Variants in GCC2 observed in about 807,000 individuals in gnomAD.
The protein encoded by GCC2 is GRIP and coiled-coil domain-containing protein 2.
Under a neutral mutation model 210.6 loss-of-function variants are expected in GCC2, and 120 were observed. That is an observed-to-expected ratio of 0.57 (90% confidence interval 0.49 to 0.66). The LOEUF (loss-of-function observed/expected upper bound fraction) is 0.66, where lower values mean the gene tolerates loss of function less well. GCC2 is among the 30% of genes least tolerant of loss of function. The probability of loss-of-function intolerance (pLI) is 0.00; values close to 1 mark genes in which losing one functional copy is unlikely to be tolerated. For synonymous variants in GCC2, 703 were observed against 652.7 expected (o/e 1.08, Z -1.17); for missense variants, 1,868 against 1,871.9 (o/e 1.00, Z 0.04).
At position 108,475,847 on chromosome 2, in the gene GCC2, T is replaced by C; in HGVS notation, c.3057T>C (p.Tyr1019=). Residue 1019 remains tyrosine (Y), a synonymous_variant, in exon 9 of 23, where the codon TAT becomes TAC. Transcript: ENST00000309863. ...ATCTCATTCAAGGAGCAGAAAGCTA[T>C]AAGGTAAAAAATAGTCATTTTAATA... ...MRDLIQGAES[Y]KNLLLEYEKQ... 3 of 1,532,776 alleles carry C rather than the reference T, an allele frequency of 2.0e-6. No homozygotes were observed. The highest frequency in any genetic ancestry group is 2.7e-6 in the Non-Finnish European group (3 of 1,124,292). The allele number at this position is 1,532,776 out of a possible 1,614,324, so 94.9% of individuals were successfully genotyped here. A position where few individuals can be genotyped will look rare whatever the true frequency, so the allele number is the denominator to read the frequency against.
chr2:108,490,825 CTTTTGGAAAGTTATTGCAAA>C (rs1682369934), intron 18 of GCC2, among the ~76,000 whole-genome samples: 3 of 152,148 alleles, frequency 2.0e-5, no homozygotes. Context: ...AACACTTATT[CTTTTGGAAAGTTATTGCAAA>C]TTACATTGCT....
intron 4 of GCC2, among the ~76,000 whole-genome samples, chr2:108,454,183 G>A (rs1573340389): frequency 6.6e-6 from 1 of 152,056 alleles, no homozygotes; most frequent in African/African-American, 2.4e-5. Context: ...GTAGAAACAG[G>A]GTTTCACCAC....
At position 108,489,911 on chromosome 2, in the gene GCC2, G is replaced by T; in HGVS notation, c.4126G>T (p.Val1376Leu). ...QDSQNNLQIN[V>L]SELQTLQSEH... ...TAGCCAAAATAACTTACAGATTAAT[G>T]TATCTGAACTTCAAACATTGCAGTC... is the stretch of plus-strand genomic sequence containing the variant. Residue 1376 changes from valine (V) to leucine (L), a missense_variant, in exon 18 of 23, where the codon GTA (valine) becomes TTA (leucine). Physicochemically the swap from Val to Leu is conservative, Grantham distance 32 (BLOSUM62 1). Around this residue, in one of 3 missense-constraint regions of GCC2, gnomAD observed 1,847 missense variants for 1,765.2 expected, o/e 1.05. Transcript: ENST00000309863. 1 of 1,610,692 alleles carries T rather than the reference G, an allele frequency of 6.2e-7. No homozygotes were observed. Among genetic ancestry groups the T allele is most frequent in the South Asian group, 1.1e-5 (1 of 90,794 alleles).
rs2577596 is a variant in GCC2, at chr2:108,507,540, T to G, written c.4985-20T>G. The G allele has an allele frequency of 0.16, 247,816 of 1,518,546 alleles. 22,598 individuals carry two copies. The highest frequency in any genetic ancestry group is 0.28 in the African/African-American group (19,781 of 71,330). 94.1% of individuals were successfully genotyped at this position (1,518,546 alleles called of 1,614,324 possible). On this transcript the variant is annotated intron_variant, in intron 22 of 22. Transcript: ENST00000309863. The stretch of plus-strand genomic sequence containing the variant: ...TTTTTTCTTTTATTTTTCTTTTTTT[T>G]TTTGTTTTACTTTCCAAAGGTGAGG...
intron 22 of GCC2, among the ~76,000 whole-genome samples, chr2:108,506,500 C>T (rs1683192752): frequency 6.6e-6 from 1 of 152,098 alleles, no homozygotes; most frequent in African/African-American, 2.4e-5. Flanking sequence ...TGAAAATGTG[C>T]CAGGCCTTGG....
chr2:108,454,755 T>C (rs1369327231), intron 4 of GCC2, among the ~76,000 whole-genome samples: 1 of 152,206 alleles, frequency 6.6e-6, no homozygotes, highest in African/African-American at 2.4e-5. Flanking sequence ...GTTTGTAGGA[T>C]TGAGGTACAA....
intron 7 of GCC2, chr2:108,474,920 A>G (rs1453377807): frequency 6.6e-6 from 1 of 152,208 alleles, no homozygotes; most frequent in African/African-American, 2.4e-5. Context: ...TGCTCCGCAC[A>G]CAGACACTTC....
chr2:108,449,406 G>T, intron 1 of GCC2, 126 bp downstream of exon 1: 1 of 1,433,116 alleles, frequency 7.0e-7, no homozygotes, highest in Non-Finnish European at 9.3e-7. Flanking sequence ...CGCTGCTGTC[G>T]CCTCCCCATC....
At position 108,507,769 on chromosome 2, in the gene GCC2, G is replaced by A. The variant is rs1683276456; in HGVS notation, c.*139G>A. 6.4e-6 allele frequency: 4 copies of A among 627,174 alleles called. No individual in the cohort carries two copies. Among genetic ancestry groups the A allele is most frequent in the Non-Finnish European group, 1.1e-5 (4 of 362,620 alleles). The allele number at this position is 627,174 out of a possible 1,614,324, so 38.9% of individuals were successfully genotyped here. A position where few individuals can be genotyped will look rare whatever the true frequency, so the allele number is the denominator to read the frequency against. On this transcript the variant is annotated 3_prime_UTR_variant, in exon 23 of 23. Transcript: ENST00000309863. The stretch of plus-strand genomic sequence containing the variant: ...ATATTTGTACATCTATATGACAGAT[G>A]TATTTTAAAAGTTTCATCTTGAAGT...
Position 108,483,148 on chromosome 2 carries a change from A to G in GCC2, c.3432A>G (p.Glu1144=). 1 of 1,518,148 alleles carries G rather than the reference A, an allele frequency of 6.6e-7. No individual in the cohort carries two copies. Among genetic ancestry groups the G allele is most frequent in the Non-Finnish European group, 9.1e-7 (1 of 1,093,748 alleles). The allele number at this position is 1,518,148 out of a possible 1,614,324, so 94.0% of individuals were successfully genotyped here. A position where few individuals can be genotyped will look rare whatever the true frequency, so the allele number is the denominator to read the frequency against. Residue 1144 remains glutamate (E), a synonymous_variant, in exon 12 of 23, where the codon GAA becomes GAG. Coordinates refer to ENST00000309863, the MANE Select transcript of GCC2 (RefSeq NM_181453.4). ...QKKQLQKTMQ[E]LELVKKDAQQ... The stretch of plus-strand genomic sequence containing the variant: ...AACAGCTTCAGAAAACCATGCAAGA[A>G]TTAGAGCTGGTTAAAAAGGTAAAAT...
chr2:108,477,527 C>G (rs1158415277), intron 9 of GCC2, among the ~76,000 whole-genome samples: 2 of 152,152 alleles, frequency 1.3e-5, no homozygotes, highest in South Asian at 2.1e-4. Context: ...CGTTCCAGAT[C>G]TATTGTTTCA....
In GCC2 at chr2:108,481,875, C is replaced by G. The variant is rs548352034; in HGVS notation, c.3180+59C>G. ...TAACAGGTATATTTTAATCTCAATACTTTTTGCATAAAAAATTTAAAAAAT... is the reference window on the plus strand; with the variant it reads ...TAACAGGTATATTTTAATCTCAATAGTTTTTGCATAAAAAATTTAAAAAAT... On this transcript the variant is annotated intron_variant, in intron 10 of 22. Transcript: ENST00000309863. 7.1e-6 allele frequency: 9 copies of G among 1,270,950 alleles called. No individual in the cohort carries two copies. The African/African-American group carries it at 1.1e-4, about 15-fold the overall frequency. 78.7% of individuals were successfully genotyped at this position (1,270,950 alleles called of 1,614,324 possible).
intron 4 of GCC2, among the ~76,000 whole-genome samples, chr2:108,460,642 G>A (rs1298256985): frequency 6.6e-6 from 1 of 152,102 alleles, no homozygotes; most frequent in Non-Finnish European, 1.5e-5. Flanking sequence ...AATTCCCTCA[G>A]CTTTTGCTCG....
intron 4 of GCC2, among the ~76,000 whole-genome samples, chr2:108,465,463 C>T (rs981310227): frequency 6.6e-6 from 1 of 152,120 alleles, no homozygotes; most frequent in Non-Finnish European, 1.5e-5. Context: ...GAGTAGTGAA[C>T]ATTATACCTA....
chr2:108,458,469 T>C (rs1027065087), intron 4 of GCC2, among the ~76,000 whole-genome samples: 2 of 150,880 alleles, frequency 1.3e-5, no homozygotes, highest in Non-Finnish European at 2.9e-5. Context: ...TTGCCACCTC[T>C]TCAGTATTTT....
chr2:108,460,145 C>G (rs1438285249), intron 4 of GCC2, among the ~76,000 whole-genome samples: 1 of 152,154 alleles, frequency 6.6e-6, no homozygotes, highest in African/African-American at 2.4e-5. Flanking sequence ...GCCACCGTGC[C>G]TGGCCACTAA....
intron 7 of GCC2, among the ~76,000 whole-genome samples, chr2:108,473,733 A>G (rs1307566265): frequency 6.6e-6 from 1 of 152,138 alleles, no homozygotes; most frequent in Non-Finnish European, 1.5e-5. Context: ...GCAGATTGGG[A>G]TGTTCAGTTT....
In GCC2 at chr2:108,481,835, C is replaced by G. The variant is rs770509637; in HGVS notation, c.3180+19C>G. 3.8e-5 allele frequency: 57 copies of G among 1,515,428 alleles called. No individual in the cohort carries two copies. Among genetic ancestry groups the G allele is most frequent in the Non-Finnish European group, 4.9e-5 (55 of 1,123,038 alleles). 93.9% of individuals were successfully genotyped at this position (1,515,428 alleles called of 1,614,324 possible). A position where few individuals can be genotyped will look rare whatever the true frequency, so the allele number is the denominator to read the frequency against. On this transcript the variant is annotated intron_variant, in intron 10 of 22. Transcript: ENST00000309863. The stretch of plus-strand genomic sequence containing the variant: ...TTTGCAGGTAATTTTTTAATAAATC[C>G]AAAAATGAAAACTATAACAGGTATA...
intron 7 of GCC2, chr2:108,474,665 T>C (rs990247941): frequency 1.3e-5 from 2 of 152,214 alleles, no homozygotes; most frequent in African/African-American, 4.8e-5. Context: ...TTTTATTTTA[T>C]GGGAAGAATA....
Sources: allele counts gnomAD v4.1 joint callset (sites outside exome capture counted in the v4.1 genomes callset), GRCh38; gene constraint gnomAD v4.1.1; regional missense constraint gnomAD v4.1.1; transcripts MANE v1.5; gene names NCBI Gene and HGNC (gene_info 2026-07-23, HGNC 2026-07-21).